Variants in DNM2 observed in about 807,000 individuals in gnomAD.
DNM2 encodes the protein dynamin 2.
In DNM2, 15 loss-of-function variants were observed where a neutral mutation model predicts 99.0. The observed-to-expected ratio is 0.15, with a 90% CI of 0.10 to 0.23. The LOEUF (loss-of-function observed/expected upper bound fraction) is 0.23, where lower values mean the gene tolerates loss of function less well. Ranked by LOEUF, DNM2 falls within the 10% of genes least tolerant of loss-of-function variation. The pLI is 1.00. For missense variants in DNM2, 742 were observed against 1,189.4 expected, an observed-to-expected ratio of 0.62 and a Z score of 5.53; for synonymous variants, 525 against 481.2, an observed-to-expected ratio of 1.09 and a Z score of -1.19.
intron 1 of DNM2, among the ~76,000 whole-genome samples, chr19:10,737,467 T>C (rs545300668): frequency 1.8e-4 from 27 of 152,216 alleles, no homozygotes; most frequent in African/African-American, 6.3e-4. Context: ...TTCCTGTCAT[T>C]GTTCCACCTA....
chr19:10,781,706 A>C (rs1475079464), intron 5 of DNM2: 2 of 152,178 alleles, frequency 1.3e-5, no homozygotes, highest in African/African-American at 4.8e-5. Flanking sequence ...CTGAGGTTGC[A>C]CCACTGCACT....
In DNM2 at chr19:10,775,525, G is replaced by GA. The variant is rs1490234215; in HGVS notation, c.386-177dup. On this transcript the variant is annotated intron_variant, in intron 3 of 20. Transcript: ENST00000389253. The surrounding 1 kb of genome is among the most constrained non-coding windows in gnomAD (Gnocchi z 4.3). The stretch of plus-strand genomic sequence containing the variant: ...TGGAGTAGGTAGAAGGTATCTGTAG[G>GA]ATGGGATCCTAGAAGGGGAGTTACT... 5.9e-5 allele frequency among the ~76,000 whole-genome samples: 9 copies of GA among 152,314 alleles called. No homozygotes were observed. In the East Asian group the frequency reaches 1.7e-3, roughly 29 times the overall value.
At chr19:10,767,593 C>T (rs982883195) in intron 2 of DNM2, among the ~76,000 whole-genome samples, 8 of 151,948 alleles carry the variant, frequency 5.3e-5, no homozygotes, top group Admixed American at 3.3e-4. Context: ...CCACTGCTCT[C>T]GGCCTGGTGG....
chr19:10,799,381 G>A (rs562747069), intron 11 of DNM2, among the ~76,000 whole-genome samples: 19 of 151,204 alleles, frequency 1.3e-4, no homozygotes, highest in African/African-American at 3.6e-4. Flanking sequence ...TCCCCTCGGC[G>A]TCTGCATTTG....
intron 3 of DNM2, among the ~76,000 whole-genome samples, chr19:10,774,183 T>A (rs1404753630): frequency 6.6e-6 from 1 of 152,218 alleles, no homozygotes; most frequent in Non-Finnish European, 1.5e-5. Context: ...CACACACCTG[T>A]CATTCAAGCT....
In DNM2 at chr19:10,749,008, A is replaced by G. The variant is rs557414580; in HGVS notation, c.162-10730A>G. Reference sequence around the variant, plus strand: ...TGGTGTCACGTGAGCCCTCCCAGCCACATTCAGGCTCAAAGAGACTGTGCT... The same window carrying G: ...TGGTGTCACGTGAGCCCTCCCAGCCGCATTCAGGCTCAAAGAGACTGTGCT... On this transcript the variant is annotated intron_variant, in intron 1 of 20. Coordinates refer to ENST00000389253, the MANE Select transcript of DNM2 (RefSeq NM_001005361.3). 1.3e-4 allele frequency among the ~76,000 whole-genome samples: 20 copies of G among 152,304 alleles called. No individual in the cohort carries two copies. The South Asian group carries it at 4.1e-3, about 32-fold the overall frequency.
chr19:10,786,527 A>T, intron 6 of DNM2, 37 bp from the exon 7 acceptor site: 1 of 1,613,312 alleles, frequency 6.2e-7, no homozygotes, highest in Middle Eastern at 1.7e-4. Flanking sequence ...TATCCTGCCC[A>T]TGCCACCCTT....
At chr19:10,752,725 G>A (rs988679172) in intron 1 of DNM2, among the ~76,000 whole-genome samples, 1 of 152,198 alleles carries the variant, frequency 6.6e-6, no homozygotes, top group African/African-American at 2.4e-5. Flanking sequence ...GTAAAATGGA[G>A]CCAGCAGACC....
chr19:10,809,432 G>C (rs1405236297), intron 14 of DNM2: 1 of 152,302 alleles, frequency 6.6e-6, no homozygotes, highest in African/African-American at 2.4e-5. Flanking sequence ...TGTACCAGTC[G>C]ATTGACATGG....
intron 18 of DNM2, among the ~76,000 whole-genome samples, chr19:10,827,739 C>T (rs1053502274): frequency 1.3e-5 from 2 of 151,346 alleles, no homozygotes; most frequent in Non-Finnish European, 2.9e-5. Flanking sequence ...CGTGGTGGCA[C>T]GCGTCTGTAG....
At chr19:10,750,555 G>A (rs1039431978) in intron 1 of DNM2, among the ~76,000 whole-genome samples, 11 of 152,170 alleles carry the variant, frequency 7.2e-5, no homozygotes, top group Non-Finnish European at 1.5e-5. Flanking sequence ...ACTGAGGTTT[G>A]CCTGTACCCT....
In DNM2 at chr19:10,812,433, C is replaced by T. The variant is rs1268410493; in HGVS notation, c.1671+56C>T. 24 of 1,431,942 alleles carry T rather than the reference C, an allele frequency of 1.7e-5. No individual in the cohort carries two copies. The highest frequency in any genetic ancestry group is 1.6e-4 in the African/African-American group (11 of 70,578). The allele number at this position is 1,431,942 out of a possible 1,614,324, so 88.7% of individuals were successfully genotyped here. Reference sequence around the variant, plus strand: ...GGTAGGTGGGGCAGCCAGGGAAGAGCGGGTGGGCGCTCCCTCTGGGCAGAA... The same window carrying T: ...GGTAGGTGGGGCAGCCAGGGAAGAGTGGGTGGGCGCTCCCTCTGGGCAGAA... On this transcript the variant is annotated intron_variant, in intron 15 of 20. Transcript: ENST00000389253. This position sits in a 1 kb window ranked among gnomAD's most constrained non-coding sequence, Gnocchi z 4.0.
At chr19:10,779,075 C>T (rs1019850957) in intron 5 of DNM2, among the ~76,000 whole-genome samples, 2 of 151,780 alleles carry the variant, frequency 1.3e-5, no homozygotes, top group Admixed American at 6.6e-5. Context: ...ATTAGCCAGG[C>T]GTGGTGGCAC....
intron 1 of DNM2, among the ~76,000 whole-genome samples, chr19:10,719,339 C>T (rs1486997281): frequency 6.6e-6 from 1 of 152,054 alleles, no homozygotes; most frequent in African/African-American, 2.4e-5. Context: ...GATTCCTTTC[C>T]GAGTGCTAGA....
In DNM2 at chr19:10,795,113, G is replaced by T. The variant is rs1346282629; in HGVS notation, c.1129-259G>T. 6.6e-6 allele frequency among the ~76,000 whole-genome samples: 1 copy of T among 152,110 alleles called. No individual in the cohort carries two copies. Among genetic ancestry groups the T allele is most frequent in the African/African-American group, 2.4e-5 (1 of 41,426 alleles). Reference sequence around the variant, plus strand: ...TTTTTGTATTTTTAGTAGAGATGGGGTCTCACTATGTTGCCCAGGCTGGTC... The same window carrying T: ...TTTTTGTATTTTTAGTAGAGATGGGTTCTCACTATGTTGCCCAGGCTGGTC... On this transcript the variant is annotated intron_variant, in intron 8 of 20. Transcript: ENST00000389253. The surrounding 1 kb of genome is among the most constrained non-coding windows in gnomAD (Gnocchi z 4.2).
chr19:10,802,239 C>A (rs570083874), intron 11 of DNM2, 49 bp from the exon 12 acceptor site: 3 of 1,604,118 alleles, frequency 1.9e-6, no homozygotes, highest in East Asian at 2.2e-5. Context: ...CGCTGCCCCC[C>A]CTTGCCAGGC....
chr19:10,768,103 G>A (rs1427628170), intron 2 of DNM2, among the ~76,000 whole-genome samples: 1 of 152,052 alleles, frequency 6.6e-6, no homozygotes, highest in Non-Finnish European at 1.5e-5. Flanking sequence ...CATATCCTTC[G>A]CCCACATGGA....
chr19:10,797,499 TAA>T lies in DNM2; in HGVS notation c.1321_1322del (p.Lys441ValfsTer41). The T allele has an allele frequency of 6.2e-7, 1 of 1,612,244 alleles. No homozygotes were observed. ...GTGGTCTCAGAGCTGGCCACGGTCA[TAA>T]AAAAGTGTGCCGAGAAGGTAACAGG... On this transcript the variant is annotated frameshift_variant, in exon 10 of 21. Transcript: ENST00000389253. LOFTEE classifies it high-confidence loss of function.
At chr19:10,823,516 A>T in intron 16 of DNM2, 1 of 456,978 alleles carries the variant, frequency 2.2e-6, no homozygotes, top group Admixed American at 3.4e-5. Flanking sequence ...GTTGGTGTCG[A>T]GGGTCACATG....
Sources: gnomAD v4.1 joint callset for allele counts (sites outside exome capture counted in the v4.1 genomes callset) on GRCh38, gnomAD v4.1.1 for gene constraint, Gnocchi (gnomAD v3.1) non-coding constraint, MANE v1.5 for transcripts, NCBI Gene and HGNC (gene_info 2026-07-23, HGNC 2026-07-21) for gene names.